The following ABL1 variants were observed in gnomAD, a reference collection of about 807,000 sequenced individuals.
ABL1 encodes ABL proto-oncogene 1, non-receptor tyrosine kinase, also known as tyrosine-protein kinase ABL1.
ABL1 carries 11 observed loss-of-function variants against 94.7 expected under a neutral mutation model. The observed-to-expected ratio is 0.12, with a 90% CI of 0.07 to 0.19. The LOEUF is 0.19. ABL1 is among the 10% of genes least tolerant of loss of function. The pLI is 1.00. For synonymous variants in ABL1, 656 were observed against 622.4 expected (o/e 1.05, Z -0.80); for missense variants, 1,082 against 1,489.4 (o/e 0.73, Z 4.50).
intron 1 of ABL1, among the ~76,000 whole-genome samples, chr9:130,760,006 T>C (rs1432243381): frequency 1.5e-5 from 2 of 135,104 alleles, no homozygotes; most frequent in Non-Finnish European, 3.1e-5. Context: ...GGGGTCCCAC[T>C]ACGTTGTCCA....
At chr9:130,820,869 GTTCAA>G (rs1358577604) in intron 1 of ABL1, among the ~76,000 whole-genome samples, 7 of 151,988 alleles carry the variant, frequency 4.6e-5, no homozygotes, top group Non-Finnish European at 1.0e-4. Flanking sequence ...CCATTTGAAT[GTTCAA>G]TTCAATGATT....
chr9:130,807,726 C>G (rs1830147614), intron 1 of ABL1, among the ~76,000 whole-genome samples: 1 of 111,006 alleles, frequency 9.0e-6, no homozygotes, highest in Non-Finnish European at 1.7e-5. Flanking sequence ...GAGATGGAGT[C>G]TCACTCTGTC....
intron 1 of ABL1, among the ~76,000 whole-genome samples, chr9:130,787,636 C>T (rs1829848212): frequency 6.6e-6 from 1 of 152,150 alleles, no homozygotes; most frequent in Admixed American, 6.5e-5. Flanking sequence ...TTGAGGGGTG[C>T]TCTCTCCAGC....
At chr9:130,822,828 C>T (rs748697349) in intron 1 of ABL1, among the ~76,000 whole-genome samples, 2 of 151,196 alleles carry the variant, frequency 1.3e-5, no homozygotes, top group Non-Finnish European at 2.9e-5. Context: ...GATGGAGTCT[C>T]GCTCTGTCAC....
At position 130,835,603 on chromosome 9, in the gene ABL1, G is replaced by T. The variant is rs1450427711; in HGVS notation, c.79+78G>T. On this transcript the variant is annotated intron_variant, in intron 1 of 10. Coordinates refer to ENST00000318560, the MANE Select transcript of ABL1 (RefSeq NM_005157.6). The surrounding 1 kb of genome is among the most constrained non-coding windows in gnomAD (Gnocchi z 4.6). ...TGCTGGGCCCTTCCTAGGCCTCGCCGCCCGCGCGCTCCCGCCTGCGCCCTC... is the reference window on the plus strand; with the variant it reads ...TGCTGGGCCCTTCCTAGGCCTCGCCTCCCGCGCGCTCCCGCCTGCGCCCTC... 1 of 1,272,560 alleles carries T rather than the reference G, an allele frequency of 7.9e-7. No homozygotes were observed. The highest frequency in any genetic ancestry group is 2.6e-4 in the Middle Eastern group (1 of 3,868). The allele number at this position is 1,272,560 out of a possible 1,614,324, so 78.8% of individuals were successfully genotyped here.
At chr9:130,774,426 C>T (rs750647571) in intron 1 of ABL1, among the ~76,000 whole-genome samples, 1 of 152,092 alleles carries the variant, frequency 6.6e-6, no homozygotes, top group African/African-American at 2.4e-5. Flanking sequence ...TATGAGTAGA[C>T]AGGGACTTGG....
chr9:130,750,644 C>CTTTT (rs71389345), intron 1 of ABL1, among the ~76,000 whole-genome samples: 2,343 of 87,264 alleles, frequency 0.027, 212 homozygotes, highest in African/African-American at 0.068. Context: ...CTTTTTCTTT[C>CTTTT]TTTTTTTTTT....
chr9:130,825,189 G>A (rs931798342), intron 1 of ABL1, among the ~76,000 whole-genome samples: 5 of 152,110 alleles, frequency 3.3e-5, no homozygotes, highest in African/African-American at 1.2e-4. Context: ...AGATAACTTG[G>A]ATAAACACTG....
intron 1 of ABL1, among the ~76,000 whole-genome samples, chr9:130,821,975 A>T (rs1046977168): frequency 6.6e-6 from 1 of 151,810 alleles, no homozygotes; most frequent in Non-Finnish European, 1.5e-5. Context: ...AAGTACTGGG[A>T]CTACAGGCAC....
At position 130,885,483 on chromosome 9, in the gene ABL1, A is replaced by T. The variant is rs1210539774; in HGVS notation, c.3193A>T (p.Thr1065Ser). 2 of 1,613,898 alleles carry T rather than the reference A, an allele frequency of 1.2e-6. No homozygotes were observed. Among genetic ancestry groups the T allele is most frequent in the South Asian group, 2.2e-5 (2 of 91,086 alleles). Reference sequence around the variant, plus strand: ...GCTGGAGGCCGGCAAAAACCTCTACACGTTCTGCGTGAGCTATGTGGATTC... The same window carrying T: ...GCTGGAGGCCGGCAAAAACCTCTACTCGTTCTGCGTGAGCTATGTGGATTC... ...AVLEAGKNLY[T>S]FCVSYVDSIQ... The change falls in exon 11 of 11, where the codon ACG (threonine) becomes TCG (serine). Residue 1065 changes from threonine to serine, a missense_variant. This residue lies in a region of ABL1 where 780 missense variants were observed against 835.8 expected (regional missense o/e 0.93). Transcript: ENST00000318560.
At chr9:130,871,485 T>G (rs1831251147) in intron 4 of ABL1, among the ~76,000 whole-genome samples, 1 of 152,166 alleles carries the variant, frequency 6.6e-6, no homozygotes, top group South Asian at 2.1e-4. Context: ...CTTATGAATT[T>G]GTTGGTAGGG....
At chr9:130,857,354 T>G (rs748444270) in intron 3 of ABL1, among the ~76,000 whole-genome samples, 53 of 152,240 alleles carry the variant, frequency 3.5e-4, no homozygotes, top group Non-Finnish European at 7.3e-5. Flanking sequence ...TTATTAGACA[T>G]GTAAAAACAC....
At chr9:130,860,336 C>T (rs1831052057) in intron 3 of ABL1, among the ~76,000 whole-genome samples, 1 of 152,136 alleles carries the variant, frequency 6.6e-6, no homozygotes, top group Non-Finnish European at 1.5e-5. Context: ...GAAAAATGAA[C>T]TAAGTCACAA....
In ABL1 at chr9:130,854,714, A is replaced by C. The variant is rs1830945936; in HGVS notation, c.254-87A>C. On this transcript the variant is annotated intron_variant, in intron 2 of 10. Transcript: ENST00000318560. ...GAAATTGGTATTTAGGAATTTGGAG[A>C]TTTTTAGTAGTTACACAAGAATCAA... 4 of 1,380,868 alleles carry C rather than the reference A, an allele frequency of 2.9e-6. No homozygotes were observed. In the South Asian group the frequency reaches 4.2e-5, roughly 15 times the overall value. The allele number at this position is 1,380,868 out of a possible 1,614,324, so 85.5% of individuals were successfully genotyped here.
rs1472186366 is a variant in ABL1, at chr9:130,862,577, G to A, written c.550-186G>A. Among the ~76,000 whole-genome samples, 1 of 152,144 alleles carries A rather than the reference G, an allele frequency of 6.6e-6. No homozygotes were observed. Among genetic ancestry groups the A allele is most frequent in the Non-Finnish European group, 1.5e-5 (1 of 68,032 alleles). On this transcript the variant is annotated intron_variant, in intron 3 of 10. Coordinates refer to ENST00000318560, the MANE Select transcript of ABL1 (RefSeq NM_005157.6). The surrounding 1 kb of genome is among the most constrained non-coding windows in gnomAD (Gnocchi z 5.5). ...TTTTATTGTGTCTTTTTGCTTGAGCGAGTAACTTAGAGCACACGTAGAGAA... is the reference window on the plus strand; with the variant it reads ...TTTTATTGTGTCTTTTTGCTTGAGCAAGTAACTTAGAGCACACGTAGAGAA...
intron 1 of ABL1, among the ~76,000 whole-genome samples, chr9:130,783,289 T>C (rs545337913): frequency 8.2e-4 from 125 of 152,300 alleles, no homozygotes; most frequent in Middle Eastern, 6.8e-3. Context: ...TTGGCATCCT[T>C]GATGTGAACT....
intron 10 of ABL1, among the ~76,000 whole-genome samples, chr9:130,883,219 C>T (rs572337482): frequency 2.6e-5 from 4 of 152,262 alleles, no homozygotes; most frequent in Admixed American, 6.5e-5. Flanking sequence ...GGCTTTGGGC[C>T]GGGTGCAGTG....
At chr9:130,794,543 C>T (rs1053181904) in intron 1 of ABL1, among the ~76,000 whole-genome samples, 1 of 152,160 alleles carries the variant, frequency 6.6e-6, no homozygotes, top group African/African-American at 2.4e-5. Flanking sequence ...CACTGTTTCT[C>T]CTTCCTTCAT....
intron 1 of ABL1, among the ~76,000 whole-genome samples, chr9:130,781,793 T>C (rs548749673): frequency 2.0e-4 from 31 of 152,160 alleles, no homozygotes; most frequent in Middle Eastern, 3.4e-3. Flanking sequence ...ATTTTTTTTT[T>C]CCCCATTTAG....
Sources: allele counts gnomAD v4.1 joint callset (sites outside exome capture counted in the v4.1 genomes callset), GRCh38; gene constraint gnomAD v4.1.1; regional missense constraint gnomAD v4.1.1; non-coding constraint Gnocchi (gnomAD v3.1); transcripts MANE v1.5; gene names NCBI Gene and HGNC (gene_info 2026-07-23, HGNC 2026-07-21).